BBX: variants seen among roughly 807,000 people sequenced by gnomAD.
The protein encoded by BBX is BBX high mobility group box domain containing.
BBX carries 30 observed loss-of-function variants against 100.2 expected under a neutral mutation model. The observed-to-expected ratio is 0.30, with a 90% CI of 0.22 to 0.41. The LOEUF (loss-of-function observed/expected upper bound fraction) is 0.41, where lower values mean the gene tolerates loss of function less well. Among genes scored for constraint, BBX ranks in the 10% least tolerant of loss-of-function variants. BBX has a pLI of 1.00. For synonymous variants in BBX, 376 were observed against 388.1 expected (o/e 0.97, Z 0.37); for missense variants, 1,023 against 1,129.8 (o/e 0.91, Z 1.35).
At chr3:107,583,942 ATATATTAT>A (rs1559839082) in intron 2 of BBX, among the ~76,000 whole-genome samples, 1 of 98,428 alleles carries the variant, frequency 1.0e-5, no homozygotes, top group Non-Finnish European at 1.9e-5. Context: ...TATATATTAT[ATATATTAT>A]TATATTATAT....
chr3:107,710,570 T>C lies in BBX; in HGVS notation c.110T>C (p.Leu37Pro), dbSNP rs2061653546. 6.2e-7 allele frequency: 1 copy of C among 1,613,864 alleles called. No homozygotes were observed. ...QWHPLLAKKLLDFSEEEEEED... is the reference protein window; with the variant it reads ...QWHPLLAKKLPDFSEEEEEED... ...CATCCATTGCTAGCAAAGAAACTTC[T>C]TGATTTTTCAGAAGAGGAAGAAGAG... The change falls in exon 4 of 18, where the codon CTT becomes CCT. Residue 37 changes from leucine to proline, a missense_variant. Transcript: ENST00000325805.
At chr3:107,728,663 T>G in intron 5 of BBX, 102 bp from the exon 6 acceptor site, 2 of 1,044,210 alleles carry the variant, frequency 1.9e-6, no homozygotes, top group Non-Finnish European at 2.8e-6. Context: ...CTGAAATTGT[T>G]TTTCTCACTT....
At chr3:107,786,677 A>G (rs1295340064) in intron 13 of BBX, among the ~76,000 whole-genome samples, 1 of 152,184 alleles carries the variant, frequency 6.6e-6, no homozygotes, top group African/African-American at 2.4e-5. Flanking sequence ...TGTTAAAGCT[A>G]AAACAATAAA....
At chr3:107,575,581 A>AT (rs1206682780) in intron 2 of BBX, among the ~76,000 whole-genome samples, 1 of 152,110 alleles carries the variant, frequency 6.6e-6, no homozygotes, top group East Asian at 1.9e-4. Flanking sequence ...CTAATTATAT[A>AT]TTTTAGTTAG....
At chr3:107,757,173 A>G (rs914388033) in intron 10 of BBX, among the ~76,000 whole-genome samples, 2 of 152,040 alleles carry the variant, frequency 1.3e-5, no homozygotes, top group African/African-American at 4.8e-5. Context: ...CCAGCTTTCA[A>G]TGTATGATAT....
chr3:107,619,274 A>G (rs2055549106), intron 2 of BBX, among the ~76,000 whole-genome samples: 1 of 152,076 alleles, frequency 6.6e-6, no homozygotes, highest in African/African-American at 2.4e-5. Context: ...ATGTCATTAT[A>G]TTTGAAGTAA....
intron 2 of BBX, among the ~76,000 whole-genome samples, chr3:107,645,404 A>C (rs926440272): frequency 2.6e-5 from 4 of 152,164 alleles, no homozygotes; most frequent in Non-Finnish European, 4.4e-5. Context: ...AAGGCAAATC[A>C]TAAGTATTAA....
At chr3:107,614,952 C>T (rs937762126) in intron 2 of BBX, among the ~76,000 whole-genome samples, 6 of 152,098 alleles carry the variant, frequency 3.9e-5, no homozygotes, top group Non-Finnish European at 5.9e-5. Context: ...GGGTGGAAAC[C>T]GGACTTTGTG....
chr3:107,642,509 C>G (rs1164756660), intron 2 of BBX, among the ~76,000 whole-genome samples: 1 of 152,208 alleles, frequency 6.6e-6, no homozygotes, highest in African/African-American at 2.4e-5. Flanking sequence ...GGTATTAGAA[C>G]TCCTAGTTCG....
chr3:107,767,647 T>G (rs1432395953), intron 10 of BBX, among the ~76,000 whole-genome samples: 1 of 152,192 alleles, frequency 6.6e-6, no homozygotes, highest in East Asian at 1.9e-4. Flanking sequence ...CCTTTGAAAA[T>G]TATTTTAATT....
intron 7 of BBX, among the ~76,000 whole-genome samples, chr3:107,741,848 C>A (rs2064135341): frequency 6.6e-6 from 1 of 152,062 alleles, no homozygotes. Flanking sequence ...GTATTCTCTC[C>A]CTTTTATATA....
chr3:107,622,309 T>A (rs2055837760), intron 2 of BBX, among the ~76,000 whole-genome samples: 1 of 152,222 alleles, frequency 6.6e-6, no homozygotes. Flanking sequence ...GTTCGTTATA[T>A]GTAACTATAT....
chr3:107,729,936 A>C (rs1340867402), intron 6 of BBX, among the ~76,000 whole-genome samples: 1 of 152,136 alleles, frequency 6.6e-6, no homozygotes, highest in Admixed American at 6.5e-5. Flanking sequence ...ATATTATTTT[A>C]ATCAGTCCTG....
At position 107,584,441 on chromosome 3, in the gene BBX, A is replaced by G. The variant is rs1485988466; in HGVS notation, c.-84+58043A>G. On this transcript the variant is annotated intron_variant, in intron 2 of 17. Transcript: ENST00000325805. ...GTGAAATTTGTCCATTCAAATCTTC[A>G]TGTCTGGAAAACTATATGGTGGGCA... Among the ~76,000 whole-genome samples the G allele has an allele frequency of 4.7e-5, 7 of 149,656 alleles. No homozygotes were observed. In the Admixed American group the frequency reaches 4.7e-4, roughly 10 times the overall value.
intron 3 of BBX, among the ~76,000 whole-genome samples, chr3:107,700,693 GT>G (rs2060976721): frequency 6.7e-6 from 1 of 148,784 alleles, no homozygotes; most frequent in South Asian, 2.1e-4. Context: ...GCGGTGTTTG[GT>G]TTTTGTCCTT....
intron 2 of BBX, among the ~76,000 whole-genome samples, chr3:107,553,193 A>T (rs1371591652): frequency 6.6e-6 from 1 of 152,232 alleles, no homozygotes; most frequent in Non-Finnish European, 1.5e-5. Flanking sequence ...AATCCTCTGT[A>T]TTCACAATAA....
rs398052177 is a variant in BBX at position 107,592,360 on chromosome 3, C to CAAAAAAAAAAA, written c.-83-53463_-83-53453dup. Among the ~76,000 whole-genome samples the CAAAAAAAAAAA allele has an allele frequency of 2.7e-5, 2 of 74,906 alleles. 1 individual carries two copies. The highest frequency in any genetic ancestry group is 4.7e-5 in the Non-Finnish European group (2 of 42,420). 49.1% of individuals were successfully genotyped at this position (74,906 alleles called of 152,430 possible). ...TAGGTGATAGAGCGAGACCCTGTCT[C>CAAAAAAAAAAA]AAAAAAAAAAAAAAAAAAAAAAAGG... is the stretch of plus-strand genomic sequence containing the variant. On this transcript the variant is annotated intron_variant, in intron 2 of 17. Transcript: ENST00000325805.
At chr3:107,659,751 A>G (rs1293154597) in intron 3 of BBX, 3 of 1,283,122 alleles carry the variant, frequency 2.3e-6, no homozygotes, top group Admixed American at 4.6e-5. Flanking sequence ...ATGTGCATGA[A>G]TGCACTGTTT....
intron 2 of BBX, among the ~76,000 whole-genome samples, chr3:107,605,980 C>A (rs2054406247): frequency 6.6e-6 from 1 of 152,122 alleles, no homozygotes; most frequent in Admixed American, 6.5e-5. Context: ...TTCAAGAATA[C>A]CTATTACTTT....
Sources: allele counts gnomAD v4.1 joint callset (sites outside exome capture counted in the v4.1 genomes callset), GRCh38; gene constraint gnomAD v4.1.1; transcripts MANE v1.5; gene names NCBI Gene and HGNC (gene_info 2026-07-23, HGNC 2026-07-21).